EBF1: variants seen among roughly 807,000 people sequenced by gnomAD.
The protein encoded by EBF1 is transcription factor COE1.
Under a neutral mutation model 68.4 loss-of-function variants are expected in EBF1, and 10 were observed. That is an observed-to-expected ratio of 0.15 (90% CI 0.09 to 0.25). The LOEUF is 0.25. Ranked by LOEUF, EBF1 falls within the 10% of genes least tolerant of loss-of-function variation. The pLI, the probability that EBF1 is intolerant of heterozygous loss-of-function variation, is 1.00. For synonymous variants in EBF1, 298 were observed against 299.8 expected (o/e 0.99, Z 0.06); for missense variants, 509 against 794.4 (o/e 0.64, Z 4.32).
chr5:158,961,682 A>G (rs1818211011), intron 6 of EBF1, among the ~76,000 whole-genome samples: 1 of 152,242 alleles, frequency 6.6e-6, no homozygotes, highest in Non-Finnish European at 1.5e-5. Flanking sequence ...TAAATTCTCT[A>G]CAGAGAATGT....
chr5:158,996,806 G>C (rs1761503789), intron 6 of EBF1, among the ~76,000 whole-genome samples: 1 of 152,142 alleles, frequency 6.6e-6, no homozygotes. Context: ...ATATTTAAAA[G>C]CTATAAAACA....
At position 158,699,264 on chromosome 5, in the gene EBF1, C is replaced by A. The variant is rs1302977671; in HGVS notation, c.1745-122G>T. The A allele has an allele frequency of 3.2e-6, 3 of 935,692 alleles. No individual in the cohort carries two copies. The African/African-American group carries it at 5.2e-5, about 16-fold the overall frequency. 58.0% of individuals were successfully genotyped at this position (935,692 alleles called of 1,614,324 possible). ...AACTATGTTGTTCGACTATTAGCCA[C>A]AAATTTGCTCTCATCTTCTCTGGAA... On this transcript the variant is annotated intron_variant, in intron 15 of 15. Coordinates refer to ENST00000313708, the MANE Select transcript of EBF1 (RefSeq NM_024007.5).
chr5:158,835,082 G>A (rs969254598), intron 7 of EBF1, among the ~76,000 whole-genome samples: 3 of 152,198 alleles, frequency 2.0e-5, no homozygotes, highest in African/African-American at 4.8e-5. Flanking sequence ...CAATTAGTGT[G>A]CTATGAGAAA....
At chr5:159,087,629 A>G (rs75236854) in intron 4 of EBF1, among the ~76,000 whole-genome samples, 6,786 of 152,088 alleles carry the variant, frequency 0.045, 317 homozygotes, top group African/African-American at 0.12. Context: ...ATGATATTCA[A>G]TGGATGCAAT....
intron 6 of EBF1, among the ~76,000 whole-genome samples, chr5:158,935,122 A>G (rs1459517479): frequency 6.6e-6 from 1 of 152,190 alleles, no homozygotes; most frequent in South Asian, 2.1e-4. Flanking sequence ...TGGTGGACCC[A>G]GTTTTTGTTT....
At chr5:158,945,554 T>C (rs1000456871) in intron 6 of EBF1, among the ~76,000 whole-genome samples, 3 of 152,248 alleles carry the variant, frequency 2.0e-5, no homozygotes. Context: ...GTTAGTCTGA[T>C]GGGCTTCCCT....
intron 10 of EBF1, among the ~76,000 whole-genome samples, chr5:158,740,631 T>A (rs1294756666): frequency 1.3e-5 from 2 of 152,246 alleles, no homozygotes; most frequent in Admixed American, 6.5e-5. Context: ...ACAACAAGTA[T>A]GCCATGCAGC....
At chr5:159,025,393 C>A (rs571640964) in intron 6 of EBF1, among the ~76,000 whole-genome samples, 9 of 152,212 alleles carry the variant, frequency 5.9e-5, no homozygotes, top group Non-Finnish European at 1.0e-4. Flanking sequence ...AGGAAAGCAT[C>A]TGGGATGTCC....
At chr5:158,804,658 C>A (rs1438510903) in intron 8 of EBF1, among the ~76,000 whole-genome samples, 2 of 152,144 alleles carry the variant, frequency 1.3e-5, no homozygotes, top group Non-Finnish European at 2.9e-5. Context: ...CACAACATAG[C>A]ATTGTTTCAT....
intron 10 of EBF1, among the ~76,000 whole-genome samples, chr5:158,770,210 C>G (rs1310528042): frequency 6.6e-6 from 1 of 151,928 alleles, no homozygotes; most frequent in Non-Finnish European, 1.5e-5. Context: ...CAGCTTTAAC[C>G]CCTCTGTCTC....
In EBF1 at chr5:159,084,650, C is replaced by A. The variant is rs1229333861; in HGVS notation, c.485+16G>T. 9 of 1,547,720 alleles carry A rather than the reference C, an allele frequency of 5.8e-6. No homozygotes were observed. The highest frequency in any genetic ancestry group is 1.3e-5 in the South Asian group (1 of 79,844). ...TCTCTTTGCTAATTAACGGGAGAGA[C>A]CAAGATATTTCTTACCTGCACATGA... On this transcript the variant is annotated intron_variant, in intron 5 of 15. Coordinates refer to ENST00000313708, the MANE Select transcript of EBF1 (RefSeq NM_024007.5).
At chr5:159,006,090 T>C (rs1763487268) in intron 6 of EBF1, among the ~76,000 whole-genome samples, 1 of 152,210 alleles carries the variant, frequency 6.6e-6, no homozygotes, top group Admixed American at 6.5e-5. Flanking sequence ...GATAACGGTA[T>C]AGAGGAGAAT....
intron 7 of EBF1, among the ~76,000 whole-genome samples, chr5:158,827,327 C>A (rs900627385): frequency 1.3e-5 from 2 of 152,128 alleles, no homozygotes; most frequent in African/African-American, 4.8e-5. Flanking sequence ...ATTTTAAAGA[C>A]CTTTGTGCTA....
At chr5:158,836,717 CAG>C (rs1788900246) in intron 7 of EBF1, among the ~76,000 whole-genome samples, 1 of 152,152 alleles carries the variant, frequency 6.6e-6, no homozygotes, top group Non-Finnish European at 1.5e-5. Context: ...TAAAATGTGA[CAG>C]TGTTCATTCT....
In EBF1 at chr5:158,777,442, T is replaced by C. The variant is rs1207301073; in HGVS notation, c.1007A>G (p.Lys336Arg). The change falls in exon 10 of 16, where the codon AAA becomes AGA. Residue 336 changes from lysine (K) to arginine (R), a missense_variant. Around this residue, in one of 3 missense-constraint regions of EBF1, gnomAD observed 230 missense variants for 467.7 expected, o/e 0.49. Coordinates refer to ENST00000313708, the MANE Select transcript of EBF1 (RefSeq NM_024007.5). ...ATAAATGAATCTGCCTGGTGTTCCT[T>C]TGCAGAACTGCTTAGATTTGTAGGA... ...TLSYKSKQFC[K>R]GTPGRFIYTA... The C allele has an allele frequency of 2.5e-6, 4 of 1,612,388 alleles. No homozygotes were observed. Among genetic ancestry groups the C allele is most frequent in the Admixed American group, 3.3e-5 (2 of 59,876 alleles).
intron 6 of EBF1, among the ~76,000 whole-genome samples, chr5:158,927,013 C>T (rs1456476394): frequency 1.3e-5 from 2 of 152,214 alleles, no homozygotes; most frequent in African/African-American, 4.8e-5. Context: ...CTTGACCCTA[C>T]CTGCCTTCAC....
At chr5:159,097,647 T>A (rs1782889566) in intron 1 of EBF1, 1 of 234,420 alleles carries the variant, frequency 4.3e-6, no homozygotes, top group Admixed American at 5.6e-5. Context: ...TGCCCGGCCT[T>A]GGGAAGCCAC....
chr5:158,913,125 G>A (rs549073445), intron 6 of EBF1, among the ~76,000 whole-genome samples: 3 of 152,252 alleles, frequency 2.0e-5, no homozygotes, highest in African/African-American at 4.8e-5. Context: ...ATCCTGTACC[G>A]CTGGGTCACA....
At chr5:158,806,428 A>G (rs1362505902) in intron 8 of EBF1, among the ~76,000 whole-genome samples, 1 of 152,036 alleles carries the variant, frequency 6.6e-6, no homozygotes, top group Non-Finnish European at 1.5e-5. Flanking sequence ...AGAAGAGAGG[A>G]TCCCTCCAGC....
Sources: allele counts gnomAD v4.1 joint callset (sites outside exome capture counted in the v4.1 genomes callset), GRCh38; gene constraint gnomAD v4.1.1; regional missense constraint gnomAD v4.1.1; transcripts MANE v1.5; gene names NCBI Gene and HGNC (gene_info 2026-07-23, HGNC 2026-07-21).